The following AMMECR1 variants were observed in gnomAD, a reference collection of about 807,000 sequenced individuals.
The protein encoded by AMMECR1 is nuclear protein AMMECR1.
AMMECR1 carries 3 observed loss-of-function variants against 22.5 expected under a neutral mutation model. The ratio of observed to expected loss-of-function variants is 0.13; its 90% CI spans 0.06 to 0.35. The LOEUF (loss-of-function observed/expected upper bound fraction) is 0.35. AMMECR1 is among the 10% of genes least tolerant of loss of function. The pLI, the probability that AMMECR1 is intolerant of heterozygous loss-of-function variation, is 1.00. For missense variants in AMMECR1, 235 were observed against 278.7 expected, an observed-to-expected ratio of 0.84 and a Z score of 1.12; for synonymous variants, 130 against 116.7, an observed-to-expected ratio of 1.11 and a Z score of -0.74.
intron 2 of AMMECR1, among the ~76,000 whole-genome samples, chrX:110,340,006 A>ACACG (rs1256602826): frequency 9.2e-6 from 1 of 109,085 alleles, no homozygotes; most frequent in African/African-American, 3.3e-5. Flanking sequence ...ACACACACAC[A>ACACG]CACACACACA....
chrX:110,428,141 T>A (rs1459930119), intron 1 of AMMECR1, among the ~76,000 whole-genome samples: 1 of 112,256 alleles, frequency 8.9e-6, no homozygotes, highest in Non-Finnish European at 1.9e-5. Context: ...ATTCTGTACA[T>A]CCTGTTCCCT....
chrX:110,249,736 C>G (rs1211489914), intron 2 of AMMECR1, among the ~76,000 whole-genome samples: 4 of 111,930 alleles, frequency 3.6e-5, no homozygotes, highest in Non-Finnish European at 5.6e-5. Flanking sequence ...CCCGTCTCCA[C>G]TGAAAATACA....
intron 2 of AMMECR1, among the ~76,000 whole-genome samples, chrX:110,240,214 C>T (rs1354271238): frequency 2.7e-5 from 3 of 110,072 alleles, no homozygotes; most frequent in African/African-American, 9.9e-5. Flanking sequence ...ACAATATTAA[C>T]CTTAAATGTA....
chrX:110,426,153 C>T (rs1306730235), intron 2 of AMMECR1, among the ~76,000 whole-genome samples: 5 of 111,956 alleles, frequency 4.5e-5, no homozygotes, highest in East Asian at 5.6e-4. Flanking sequence ...TAACCTAAAG[C>T]GGGGGTTTTG....
At position 110,410,146 on chromosome X, in the gene AMMECR1, G is replaced by T. The variant is rs144345852; in HGVS notation, c.-148+16512C>A. Among the ~76,000 whole-genome samples, 4 of 111,363 alleles carry T rather than the reference G, an allele frequency of 3.6e-5. No homozygotes were observed. The Admixed American group carries it at 3.8e-4, about 11-fold the overall frequency. On this transcript the variant is annotated intron_variant, in intron 2 of 7. Transcript: ENST00000372057. Reference sequence around the variant, plus strand: ...GAGTCACCGACAGGGATGATGACTCGCCTCGGGTCACAGAGCAAGTCATGG... The same window carrying T: ...GAGTCACCGACAGGGATGATGACTCTCCTCGGGTCACAGAGCAAGTCATGG...
chrX:110,208,329 G>A (rs1013575965), intron 3 of AMMECR1, among the ~76,000 whole-genome samples: 12 of 112,505 alleles, frequency 1.1e-4, no homozygotes, highest in African/African-American at 3.9e-4. Context: ...TTCATCATCT[G>A]TCTCAGCTGA....
intron 2 of AMMECR1, among the ~76,000 whole-genome samples, chrX:110,348,239 G>GC (rs1172195380): frequency 1.8e-5 from 2 of 111,705 alleles, no homozygotes; most frequent in Admixed American, 9.5e-5. Flanking sequence ...GGCTTTTGTT[G>GC]AACTTACTGA....
chrX:110,293,713 A>T (rs1348596367), intron 1 of AMMECR1, among the ~76,000 whole-genome samples: 1 of 111,681 alleles, frequency 9.0e-6, no homozygotes, highest in Non-Finnish European at 1.9e-5. Context: ...CCTAAATACC[A>T]ATGCTGAAAA....
At chrX:110,298,504 C>A (rs1479467776) in intron 1 of AMMECR1, among the ~76,000 whole-genome samples, 1 of 110,365 alleles carries the variant, frequency 9.1e-6, no homozygotes, top group Non-Finnish European at 1.9e-5. Context: ...AACCTTATAC[C>A]TTTGTGTGTG....
chrX:110,422,089 A>G (rs1294110589), intron 2 of AMMECR1, among the ~76,000 whole-genome samples: 1 of 113,193 alleles, frequency 8.8e-6, no homozygotes, highest in Admixed American at 9.3e-5. Context: ...GCTGGGATCA[A>G]ATCAGAGAAC....
chrX:110,240,243 A>G (rs1045155768), intron 2 of AMMECR1, among the ~76,000 whole-genome samples: 2 of 110,619 alleles, frequency 1.8e-5, no homozygotes, highest in African/African-American at 6.6e-5. Context: ...AAATGCCCCA[A>G]TTAAAAGACA....
chrX:110,301,404 C>T (rs999510076), intron 1 of AMMECR1, among the ~76,000 whole-genome samples: 16 of 112,479 alleles, frequency 1.4e-4, no homozygotes, highest in Non-Finnish European at 3.0e-4. Context: ...CAGGCAGATA[C>T]AGTGCTAAAC....
chrX:110,422,055 C>T (rs1297342854), intron 2 of AMMECR1, among the ~76,000 whole-genome samples: 1 of 113,163 alleles, frequency 8.8e-6, no homozygotes, highest in Non-Finnish European at 1.9e-5. Flanking sequence ...GCTGCAGATT[C>T]CCTTTCTGGA....
At chrX:110,222,592 A>T (rs1296534580) in intron 2 of AMMECR1, among the ~76,000 whole-genome samples, 49 of 96,097 alleles carry the variant, frequency 5.1e-4, no homozygotes, top group African/African-American at 2.2e-3. Flanking sequence ...AACTTAAATT[A>T]AAAAAAAAAA....
chrX:110,376,323 C>T (rs1363974665), intron 2 of AMMECR1, among the ~76,000 whole-genome samples: 1 of 110,718 alleles, frequency 9.0e-6, no homozygotes, highest in Non-Finnish European at 1.9e-5. Flanking sequence ...GTCCAGGAAG[C>T]TGGTCTTGGC....
chrX:110,266,182 C>T lies in AMMECR1; in HGVS notation c.474-1583G>A, dbSNP rs1602842744. Among the ~76,000 whole-genome samples, 3 of 108,106 alleles carry T rather than the reference C, an allele frequency of 2.8e-5. No individual in the cohort carries two copies. In the South Asian group the frequency reaches 1.2e-3, roughly 45 times the overall value. 93.9% of individuals were successfully genotyped at this position (108,106 alleles called of 115,157 possible). On this transcript the variant is annotated intron_variant, in intron 1 of 5. Transcript: ENST00000262844. ...TAACTTGAGCCAAGATTCTAATGCT[C>T]CATTTGGGAATTTTTCTCCAATTGT...
chrX:110,366,834 G>A (rs1425992763), intron 2 of AMMECR1, among the ~76,000 whole-genome samples: 1 of 112,047 alleles, frequency 8.9e-6, no homozygotes, highest in Non-Finnish European at 1.9e-5. Flanking sequence ...TGGGCCCTTA[G>A]TACTATCTGC....
intron 1 of AMMECR1, among the ~76,000 whole-genome samples, chrX:110,273,062 T>C (rs1304146981): frequency 1.8e-5 from 2 of 112,052 alleles, no homozygotes; most frequent in African/African-American, 6.5e-5. Flanking sequence ...AGTAGTTCTA[T>C]TTTTAGTTCT....
At chrX:110,250,066 C>G (rs1366358120) in intron 2 of AMMECR1, among the ~76,000 whole-genome samples, 1 of 112,206 alleles carries the variant, frequency 8.9e-6, no homozygotes, top group Non-Finnish European at 1.9e-5. Context: ...AAACTTGACA[C>G]AAGGCAGATA....
Sources: gnomAD v4.1 joint callset for allele counts (sites outside exome capture counted in the v4.1 genomes callset) on GRCh38, gnomAD v4.1.1 for gene constraint, MANE v1.5 for transcripts, NCBI Gene and HGNC (gene_info 2026-07-23, HGNC 2026-07-21) for gene names.